Variants in MAP4K5 observed in about 807,000 individuals in gnomAD.
The protein encoded by MAP4K5 is MAPK/ERK kinase kinase kinase 5.
MAP4K5 carries 82 observed loss-of-function variants against 135.6 expected under a neutral mutation model. The observed-to-expected ratio is 0.60, with a 90% CI of 0.51 to 0.73. The LOEUF (loss-of-function observed/expected upper bound fraction) is 0.73. Ranked by LOEUF, MAP4K5 falls within the 30% of genes least tolerant of loss-of-function variation. The pLI is 0.00. For missense variants in MAP4K5, 907 were observed against 1,010.9 expected (o/e 0.90, Z 1.39); for synonymous variants, 347 against 335.0 (o/e 1.04, Z -0.39).
chr14:50,531,783 C>G (rs1022369014), intron 2 of MAP4K5, among the ~76,000 whole-genome samples, 159 bp downstream of exon 2: 4 of 152,186 alleles, frequency 2.6e-5, no homozygotes, highest in Non-Finnish European at 5.9e-5. Flanking sequence ...AGCCATGAGT[C>G]GAGGGTGCTC....
At chr14:50,498,034 G>C (rs192161395) in intron 3 of MAP4K5, among the ~76,000 whole-genome samples, 1 of 152,278 alleles carries the variant, frequency 6.6e-6, no homozygotes, top group African/African-American at 2.4e-5. Context: ...GATTCTGATG[G>C]TAAGTTTTCC....
intron 1 of MAP4K5, 134 bp from the exon 2 acceptor site, chr14:50,532,292 C>G: frequency 2.3e-6 from 1 of 439,392 alleles, no homozygotes; most frequent in South Asian, 3.7e-5. Context: ...GAAGGGCCCC[C>G]GGCGCCCCGT....
chr14:50,428,135 T>C (rs2035885985), intron 30 of MAP4K5, among the ~76,000 whole-genome samples: 1 of 152,230 alleles, frequency 6.6e-6, no homozygotes, highest in Non-Finnish European at 1.5e-5. Flanking sequence ...AGAAGCCACA[T>C]GTTGTTATTT....
At chr14:50,542,207 C>T (rs12896388) in intron 2 of MAP4K5, among the ~76,000 whole-genome samples, 1 of 145,556 alleles carries the variant, frequency 6.9e-6, no homozygotes, top group East Asian at 2.0e-4. Context: ...TGCATGTTCT[C>T]ACTCATAAGT....
At chr14:50,468,192 C>T (rs1156538114) in intron 10 of MAP4K5, among the ~76,000 whole-genome samples, 1 of 151,958 alleles carries the variant, frequency 6.6e-6, no homozygotes, top group Non-Finnish European at 1.5e-5. Flanking sequence ...CTATCATTTA[C>T]TTATAATTCC....
chr14:50,437,658 C>A, intron 25 of MAP4K5, 124 bp from the exon 26 acceptor site: 1 of 686,418 alleles, frequency 1.5e-6, no homozygotes. Flanking sequence ...CCTAACTCCA[C>A]ACTATCTCAT....
upstream of MAP4K5, among the ~76,000 whole-genome samples, chr14:50,534,355 T>C (rs141461836): frequency 1.8e-4 from 28 of 152,324 alleles, no homozygotes; most frequent in African/African-American, 5.8e-4. Flanking sequence ...TATAGTGTTT[T>C]TGAGATCAAG....
intron 6 of MAP4K5, among the ~76,000 whole-genome samples, chr14:50,481,326 A>C (rs1456734576): frequency 6.6e-6 from 1 of 150,496 alleles, no homozygotes; most frequent in Non-Finnish European, 1.5e-5. Flanking sequence ...ATGTTAGATA[A>C]ATTAATCTGA....
At chr14:50,553,065 C>T (rs540306203) in intron 1 of MAP4K5, among the ~76,000 whole-genome samples, 2 of 152,068 alleles carry the variant, frequency 1.3e-5, no homozygotes, top group South Asian at 2.1e-4. Context: ...GAGGCTGAGG[C>T]GGGTAGATTA....
chr14:50,424,351 G>A (rs1432183078), intron 31 of MAP4K5, among the ~76,000 whole-genome samples: 1 of 152,024 alleles, frequency 6.6e-6, no homozygotes, highest in Non-Finnish European at 1.5e-5. Flanking sequence ...TATGAAAGAG[G>A]TCAAGACTTT....
chr14:50,479,011 TTTTTTTTTG>T (rs918254602), intron 6 of MAP4K5, among the ~76,000 whole-genome samples: 1 of 150,444 alleles, frequency 6.6e-6, no homozygotes, highest in Non-Finnish European at 1.5e-5. Context: ...TTTCGTTTTT[TTTTTTTTTG>T]TTGTTGTTGT....
intron 31 of MAP4K5, among the ~76,000 whole-genome samples, chr14:50,424,682 C>G (rs1459289822): frequency 7.1e-6 from 1 of 141,656 alleles, no homozygotes; most frequent in Non-Finnish European, 1.5e-5. Context: ...TGCACTCCAG[C>G]CTGGGCGACA....
At chr14:50,499,608 A>C (rs10220571) in intron 3 of MAP4K5, among the ~76,000 whole-genome samples, 3,752 of 152,178 alleles carry the variant, frequency 0.025, 74 homozygotes, top group Middle Eastern at 0.041. Flanking sequence ...CAGTGAGCCC[A>C]GATTGTGCCA....
intron 2 of MAP4K5, among the ~76,000 whole-genome samples, chr14:50,518,194 A>G (rs1265830843): frequency 2.0e-5 from 3 of 152,272 alleles, no homozygotes; most frequent in Non-Finnish European, 2.9e-5. Context: ...GACCATTTGT[A>G]AAGGACAAGG....
chr14:50,540,563 A>G (rs904758684), intron 2 of MAP4K5, among the ~76,000 whole-genome samples: 1 of 152,184 alleles, frequency 6.6e-6, no homozygotes, highest in Admixed American at 6.5e-5. Flanking sequence ...GGAATGGGTG[A>G]TTCTCATACA....
rs375302260 is a variant in MAP4K5, at chr14:50,466,648, G to T, written c.675-3C>A. ...TTTTTGACATTAAGAAGAGAGCCCTGAAATAAAAATTATAGTTAAAGAACA... is the reference window on the plus strand; with the variant it reads ...TTTTTGACATTAAGAAGAGAGCCCTTAAATAAAAATTATAGTTAAAGAACA... On this transcript the variant is annotated splice_polypyrimidine_tract_variant and splice_region_variant and intron_variant, in intron 10 of 32. Coordinates refer to ENST00000682126, the MANE Select transcript of MAP4K5 (RefSeq NM_006575.6). The T allele has an allele frequency of 1.0e-5, 14 of 1,373,936 alleles. No individual in the cohort carries two copies. The highest frequency in any genetic ancestry group is 1.3e-5 in the Non-Finnish European group (13 of 987,784). The allele number at this position is 1,373,936 out of a possible 1,614,324, so 85.1% of individuals were successfully genotyped here. A position where few individuals can be genotyped will look rare whatever the true frequency, so the allele number is the denominator to read the frequency against.
chr14:50,473,410 T>A (rs973258841), intron 9 of MAP4K5, among the ~76,000 whole-genome samples: 6 of 152,218 alleles, frequency 3.9e-5, no homozygotes, highest in East Asian at 1.9e-4. Flanking sequence ...CTTCTTGTGA[T>A]CTATTATCAT....
chr14:50,540,029 G>C lies in MAP4K5; in HGVS notation c.-94+2470C>G, dbSNP rs191118851. Among the ~76,000 whole-genome samples, 3 of 152,222 alleles carry C rather than the reference G, an allele frequency of 2.0e-5. No homozygotes were observed. The East Asian group carries it at 5.8e-4, about 29-fold the overall frequency. On this transcript the variant is annotated intron_variant, in intron 2 of 8. Coordinates refer to the MAP4K5 transcript ENST00000555216. ...TCAAGGCATTGAATGAGGGAGAACA[G>C]ATATCCTCGAAAGATTCTTCTGTGG...
intron 6 of MAP4K5, among the ~76,000 whole-genome samples, chr14:50,479,061 G>A (rs944030402): frequency 1.3e-4 from 20 of 150,174 alleles, no homozygotes; most frequent in African/African-American, 4.0e-4. Flanking sequence ...TGAGCACTTT[G>A]GATCTGTGGG....
Sources: allele counts gnomAD v4.1 joint callset (sites outside exome capture counted in the v4.1 genomes callset), GRCh38; gene constraint gnomAD v4.1.1; transcripts MANE v1.5; gene names NCBI Gene and HGNC (gene_info 2026-07-23, HGNC 2026-07-21).